Variants in SHROOM3 observed in about 807,000 individuals in gnomAD.
SHROOM3 encodes the protein shroom family member 3, also known as protein Shroom3.
A neutral mutation model predicts 138.6 loss-of-function variants in SHROOM3; 47 were observed. That is an observed-to-expected ratio of 0.34 (90% CI 0.27 to 0.43). The LOEUF (loss-of-function observed/expected upper bound fraction) is 0.43. SHROOM3 is among the 20% of genes least tolerant of loss of function. The pLI is 1.00. For synonymous variants in SHROOM3, 1,062 were observed against 1,063.3 expected, an observed-to-expected ratio of 1.00 and a Z score of 0.02; for missense variants, 2,491 against 2,596.5, an observed-to-expected ratio of 0.96 and a Z score of 0.88.
intron 1 of SHROOM3, among the ~76,000 whole-genome samples, chr4:76,482,929 G>A: frequency 6.6e-6 from 1 of 152,102 alleles, no homozygotes; most frequent in Non-Finnish European, 1.5e-5. Context: ...AATGGTGTTG[G>A]GAAAACTGGC....
At position 76,510,909 on chromosome 4, in the gene SHROOM3, G is replaced by A. The variant is rs186532425; in HGVS notation, c.169-44700G>A. Among the ~76,000 whole-genome samples, 253 of 152,224 alleles carry A rather than the reference G, an allele frequency of 1.7e-3. 2 individuals carry two copies. The highest frequency in any genetic ancestry group is 3.1e-3 in the Non-Finnish European group (210 of 68,018). On this transcript the variant is annotated intron_variant, in intron 1 of 10. Transcript: ENST00000296043. Reference sequence around the variant, plus strand: ...AAAATGTTCATTTCTCACCAGGCACGGTGGCTCACACCTGTAATCCCAGCA... The same window carrying A: ...AAAATGTTCATTTCTCACCAGGCACAGTGGCTCACACCTGTAATCCCAGCA...
chr4:76,605,794 C>A (rs1340237417), intron 2 of SHROOM3, among the ~76,000 whole-genome samples: 5 of 151,232 alleles, frequency 3.3e-5, no homozygotes, highest in Non-Finnish European at 1.5e-5. Context: ...TAAAATGTGA[C>A]CTTAAAGACC....
Position 76,495,424 on chromosome 4 carries a change from C to A in SHROOM3, c.168+59204C>A, listed in dbSNP as rs1277272484. 2.0e-5 allele frequency among the ~76,000 whole-genome samples: 3 copies of A among 152,234 alleles called. No homozygotes were observed. The East Asian group carries it at 5.8e-4, about 29-fold the overall frequency. On this transcript the variant is annotated intron_variant, in intron 1 of 10. Transcript: ENST00000296043. ...AAAGTACAAAAATCTGGCCTTCTTG[C>A]ATCAAAGCAGACAACTCTGTGTGCC...
At chr4:76,684,381 G>A (rs1268551989) in intron 2 of SHROOM3, among the ~76,000 whole-genome samples, 1 of 152,114 alleles carries the variant, frequency 6.6e-6, no homozygotes, top group Non-Finnish European at 1.5e-5. Context: ...TATCCCTGTA[G>A]GTCTCATTCT....
At chr4:76,590,509 CTT>C (rs34593122) in intron 2 of SHROOM3, among the ~76,000 whole-genome samples, 5,851 of 137,438 alleles carry the variant, frequency 0.043, 371 homozygotes, top group African/African-American at 0.14. Context: ...AAGAATGGTG[CTT>C]TTTTTTTTTT....
intron 1 of SHROOM3, among the ~76,000 whole-genome samples, chr4:76,475,575 G>C (rs1731468560): frequency 6.6e-6 from 1 of 152,204 alleles, no homozygotes; most frequent in South Asian, 2.1e-4. Context: ...GTACTTGAAA[G>C]CTCCAATATA....
At chr4:76,494,112 C>A (rs1444774449) in intron 1 of SHROOM3, among the ~76,000 whole-genome samples, 1 of 151,824 alleles carries the variant, frequency 6.6e-6, no homozygotes, top group Non-Finnish European at 1.5e-5. Flanking sequence ...CTGCTCACGG[C>A]CCCCTCCCTA....
chr4:76,768,321 A>C (rs1287388797), intron 9 of SHROOM3, among the ~76,000 whole-genome samples: 1 of 152,176 alleles, frequency 6.6e-6, no homozygotes, highest in African/African-American at 2.4e-5. Flanking sequence ...AGATCATCAC[A>C]CCCTGCCAGG....
rs146970583 is a variant in SHROOM3 at position 76,565,555 on chromosome 4, T to A, written c.323+9792T>A. Among the ~76,000 whole-genome samples the A allele has an allele frequency of 5.8e-3, 882 of 152,302 alleles. 4 individuals carry two copies. Among genetic ancestry groups the A allele is most frequent in the African/African-American group, 0.02 (835 of 41,578 alleles). ...TTGCCCAGGCTGGAGTGCAGTGGCATGAACACAGCCTTGACCTTCTGGGAT... is the reference window on the plus strand; with the variant it reads ...TTGCCCAGGCTGGAGTGCAGTGGCAAGAACACAGCCTTGACCTTCTGGGAT... On this transcript the variant is annotated intron_variant, in intron 2 of 10. Transcript: ENST00000296043.
In SHROOM3 at chr4:76,741,657, G is replaced by A. The variant is rs1221393086; in HGVS notation, c.3484G>A (p.Glu1162Lys). ...EATLLPATVA[E>K]TQQAPRDRSS... is the part of the protein sequence containing the mutation. ...CACGCTCCTGCCGGCCACAGTTGCA[G>A]AAACCCAGCAGGCTCCCCGAGATCG... is the stretch of plus-strand genomic sequence containing the variant. The change falls in exon 5 of 11, where the codon GAA (glutamate) becomes AAA (lysine). Residue 1162 changes from glutamate (E) to lysine (K), a missense_variant. Transcript: ENST00000296043. The surrounding 1 kb of genome is among the most constrained non-coding windows in gnomAD (Gnocchi z 6.2). 2 of 1,548,638 alleles carry A rather than the reference G, an allele frequency of 1.3e-6. No homozygotes were observed. The highest frequency in any genetic ancestry group is 1.4e-5 in the African/African-American group (1 of 73,466).
At chr4:76,738,093 A>C (rs1035440519) in intron 4 of SHROOM3, among the ~76,000 whole-genome samples, 9 of 151,976 alleles carry the variant, frequency 5.9e-5, no homozygotes, top group African/African-American at 2.2e-4. Flanking sequence ...CCCTGTGATT[A>C]AGCCTTCTCA....
chr4:76,647,398 T>C (rs751696896), intron 2 of SHROOM3, among the ~76,000 whole-genome samples: 1 of 152,100 alleles, frequency 6.6e-6, no homozygotes, highest in Non-Finnish European at 1.5e-5. Flanking sequence ...TATTTCACAG[T>C]AGCTAGAAAA....
intron 10 of SHROOM3, among the ~76,000 whole-genome samples, chr4:76,776,889 C>T (rs1204388205): frequency 1.3e-5 from 2 of 152,102 alleles, no homozygotes; most frequent in Non-Finnish European, 2.9e-5. Context: ...TTTGCTTTCT[C>T]GAAGATCAGT....
chr4:76,459,915 T>A (rs2109975076), intron 1 of SHROOM3, among the ~76,000 whole-genome samples: 1 of 152,304 alleles, frequency 6.6e-6, no homozygotes, highest in South Asian at 2.1e-4. Context: ...CTCAGTTTCC[T>A]CGTCTACAAA....
At chr4:76,504,666 A>G (rs993566184) in intron 1 of SHROOM3, among the ~76,000 whole-genome samples, 2 of 152,248 alleles carry the variant, frequency 1.3e-5, no homozygotes, top group Admixed American at 6.5e-5. Context: ...TACACATTCT[A>G]TAATCCCCTG....
intron 2 of SHROOM3, among the ~76,000 whole-genome samples, chr4:76,579,360 C>G (rs1466451591): frequency 6.6e-6 from 1 of 151,598 alleles, no homozygotes; most frequent in Non-Finnish European, 1.5e-5. Context: ...CCCAGCTACT[C>G]GGGAGGCTGA....
Position 76,740,207 on chromosome 4 carries a change from G to T in SHROOM3, c.2034G>T (p.Leu678=). ...IPESLRRHSS[L]ELGRGTQEGY... ...AGAGTCTGAGAAGACACAGCAGCCT[G>T]GAGCTAGGCCGGGGAACCCAGGAGG... The change falls in exon 5 of 11, where the codon CTG becomes CTT. Residue 678 remains leucine (L), a synonymous_variant. Coordinates refer to ENST00000296043, the MANE Select transcript of SHROOM3 (RefSeq NM_020859.4). The surrounding 1 kb of genome is among the most constrained non-coding windows in gnomAD (Gnocchi z 4.0). 6.2e-7 allele frequency: 1 copy of T among 1,613,668 alleles called. No individual in the cohort carries two copies. The highest frequency in any genetic ancestry group is 8.5e-7 in the Non-Finnish European group (1 of 1,180,040).
chr4:76,655,216 G>A (rs72661487), intron 2 of SHROOM3, among the ~76,000 whole-genome samples: 17,391 of 152,160 alleles, frequency 0.11, 1,005 homozygotes, highest in East Asian at 0.16. Context: ...CTGAGCTGCA[G>A]CTTTAGTCTC....
Position 76,500,302 on chromosome 4 carries a change from G to A in SHROOM3, c.169-55307G>A, listed in dbSNP as rs561837224. Among the ~76,000 whole-genome samples, 16 of 152,190 alleles carry A rather than the reference G, an allele frequency of 1.1e-4. No individual in the cohort carries two copies. The East Asian group carries it at 2.9e-3, about 28-fold the overall frequency. ...GGAGATGGGGCCTCAGGTTTGCCAG[G>A]GCTGTATCCCTTTGTTAGAGGACAC... On this transcript the variant is annotated intron_variant, in intron 1 of 10. Coordinates refer to ENST00000296043, the MANE Select transcript of SHROOM3 (RefSeq NM_020859.4).
Sources: gnomAD v4.1 joint callset for allele counts (sites outside exome capture counted in the v4.1 genomes callset) on GRCh38, gnomAD v4.1.1 for gene constraint, Gnocchi (gnomAD v3.1) non-coding constraint, MANE v1.5 for transcripts, NCBI Gene and HGNC (gene_info 2026-07-23, HGNC 2026-07-21) for gene names.